The following ARAP2 variants were observed in gnomAD, a reference collection of about 807,000 sequenced individuals.
ARAP2 encodes ArfGAP with RhoGAP domain, ankyrin repeat and PH domain 2.
Under a neutral mutation model 194.5 loss-of-function variants are expected in ARAP2, and 148 were observed. The observed-to-expected ratio is 0.76, with a 90% CI of 0.67 to 0.87. The LOEUF (loss-of-function observed/expected upper bound fraction) is 0.87. Among genes scored for constraint, ARAP2 ranks in the 40% least tolerant of loss-of-function variants. ARAP2 has a pLI of 0.00. For synonymous variants in ARAP2, 695 were observed against 683.5 expected (o/e 1.02, Z -0.26); for missense variants, 2,128 against 1,989.7 (o/e 1.07, Z -1.32).
chr4:36,099,401 C>T (rs1192537190), intron 27 of ARAP2, among the ~76,000 whole-genome samples: 1 of 152,060 alleles, frequency 6.6e-6, no homozygotes, highest in East Asian at 1.9e-4. Context: ...GCCTTATCTA[C>T]AGTGCTGGGT....
intron 10 of ARAP2, chr4:36,006,468 G>T (rs1418845758): frequency 6.6e-6 from 1 of 152,168 alleles, no homozygotes; most frequent in Non-Finnish European, 1.5e-5. Context: ...TGTGGTTAGT[G>T]TGTAGTAGAA....
intron 2 of ARAP2, among the ~76,000 whole-genome samples, chr4:36,055,595 ACT>A (rs1246852108): frequency 2.0e-5 from 3 of 151,598 alleles, no homozygotes; most frequent in African/African-American, 7.3e-5. Flanking sequence ...ATGGAGTCTC[ACT>A]CTGTCGCCCA....
At position 36,050,044 on chromosome 4, in the gene ARAP2, A is replaced by C. The variant is rs113908287; in HGVS notation, n.369+1962T>G. Among the ~76,000 whole-genome samples the C allele has an allele frequency of 6.7e-3, 1,028 of 152,304 alleles. 7 individuals are homozygous for C. Among genetic ancestry groups the C allele is most frequent in the Middle Eastern group, 0.014 (4 of 294 alleles). ...TAGTGTGGACTTTATGAAAGCTTCA[A>C]TAGAAAGAGGTTTTTATAGTTGCAT... On this transcript the variant is annotated intron_variant and non_coding_transcript_variant, in intron 3 of 12. Transcript: ENST00000503225.
chr4:36,014,322 G>GA (rs1560265031), intron 8 of ARAP2, among the ~76,000 whole-genome samples: 16 of 128,374 alleles, frequency 1.2e-4, no homozygotes, highest in African/African-American at 2.1e-4. Context: ...AAGAAAGAAA[G>GA]AGAGAAAGAA....
At chr4:36,134,552 C>T (rs1455064342) in intron 19 of ARAP2, among the ~76,000 whole-genome samples, 2 of 151,708 alleles carry the variant, frequency 1.3e-5, no homozygotes, top group Non-Finnish European at 2.9e-5. Context: ...GTAATGTCTA[C>T]TCCTCACTAT....
intron 27 of ARAP2, among the ~76,000 whole-genome samples, chr4:36,103,928 G>A (rs1256039900): frequency 6.6e-6 from 1 of 151,860 alleles, no homozygotes; most frequent in Non-Finnish European, 1.5e-5. Context: ...TTAAAAGGAA[G>A]TGGTGAAAAC....
intron 4 of ARAP2, 49 bp downstream of exon 4, chr4:36,213,193 GA>G: frequency 7.5e-7 from 1 of 1,339,694 alleles, no homozygotes. Flanking sequence ...CAAATAGGCA[GA>G]AAAGCAAATA....
In ARAP2 at chr4:36,226,497, C is replaced by T. The variant is rs189826413; in HGVS notation, c.905+2085G>A. On this transcript the variant is annotated intron_variant, in intron 2 of 32. Coordinates refer to ENST00000303965, the MANE Select transcript of ARAP2 (RefSeq NM_015230.4). ...TTCTGTACAGACCTTGTTAAAAAAACGTATCTTTTAAGCCCCCCCCCACAT... is the reference window on the plus strand; with the variant it reads ...TTCTGTACAGACCTTGTTAAAAAAATGTATCTTTTAAGCCCCCCCCCACAT... 3.9e-3 allele frequency among the ~76,000 whole-genome samples: 597 copies of T among 152,008 alleles called. 7 individuals carry two copies. The highest frequency in any genetic ancestry group is 0.014 in the African/African-American group (565 of 41,424).
chr4:36,024,302 T>C (rs565647513), intron 5 of ARAP2, among the ~76,000 whole-genome samples: 1 of 152,328 alleles, frequency 6.6e-6, no homozygotes, highest in East Asian at 1.9e-4. Flanking sequence ...AAAGCATATG[T>C]CACTGATACT....
chr4:36,151,698 G>A (rs1731016338), intron 15 of ARAP2, among the ~76,000 whole-genome samples: 2 of 152,098 alleles, frequency 1.3e-5, no homozygotes, highest in South Asian at 4.1e-4. Context: ...AATGCATACT[G>A]AATTACTAAA....
downstream of ARAP2, among the ~76,000 whole-genome samples, chr4:36,064,569 T>C (rs2109285808): frequency 6.6e-6 from 1 of 152,316 alleles, no homozygotes; most frequent in South Asian, 2.1e-4. Context: ...GTGGCCCTGG[T>C]CCTGCAGCTC....
At chr4:36,083,253 T>A in intron 29 of ARAP2, 115 bp downstream of exon 29, 1 of 766,338 alleles carries the variant, frequency 1.3e-6, no homozygotes, top group Middle Eastern at 2.4e-4. Context: ...TTAAAAAAAA[T>A]AGCCTAAAAC....
chr4:36,177,421 C>T (rs1738204281), intron 9 of ARAP2, among the ~76,000 whole-genome samples: 1 of 152,068 alleles, frequency 6.6e-6, no homozygotes, highest in Admixed American at 6.5e-5. Context: ...GTTACCTGTG[C>T]TTACCCTATA....
chr4:36,042,721 C>T (rs1236096270), intron 5 of ARAP2, among the ~76,000 whole-genome samples: 3 of 152,082 alleles, frequency 2.0e-5, no homozygotes, highest in African/African-American at 7.2e-5. Context: ...CAGTAGATAC[C>T]TACTTAACAT....
intron 2 of ARAP2, chr4:36,052,194 A>T (rs1722781192): frequency 6.6e-6 from 1 of 152,270 alleles, no homozygotes; most frequent in Non-Finnish European, 1.5e-5. Flanking sequence ...AAATATACAT[A>T]TCAGTAATAT....
intron 6 of ARAP2, among the ~76,000 whole-genome samples, chr4:36,208,489 G>A (rs936733810): frequency 6.6e-6 from 1 of 152,178 alleles, no homozygotes; most frequent in Admixed American, 6.5e-5. Context: ...GCTATATGGA[G>A]TTTGGAATCC....
At chr4:36,129,729 G>A (rs1175311650) in intron 20 of ARAP2, among the ~76,000 whole-genome samples, 1 of 151,738 alleles carries the variant, frequency 6.6e-6, no homozygotes, top group Non-Finnish European at 1.5e-5. Flanking sequence ...CCCACTGGGT[G>A]AGAACCCATC....
chr4:36,173,048 T>A (rs1480885709), intron 9 of ARAP2, among the ~76,000 whole-genome samples: 1 of 152,184 alleles, frequency 6.6e-6, no homozygotes, highest in African/African-American at 2.4e-5. Flanking sequence ...GATTTGAGAA[T>A]GTTTAATCAA....
At chr4:36,230,967 A>G (rs1751335376) in intron 1 of ARAP2, among the ~76,000 whole-genome samples, 1 of 152,238 alleles carries the variant, frequency 6.6e-6, no homozygotes, top group African/African-American at 2.4e-5. Flanking sequence ...AAAATAAATG[A>G]TGAAAGGCAA....
Sources: gnomAD v4.1 joint callset for allele counts (sites outside exome capture counted in the v4.1 genomes callset) on GRCh38, gnomAD v4.1.1 for gene constraint, MANE v1.5 for transcripts, NCBI Gene and HGNC (gene_info 2026-07-23, HGNC 2026-07-21) for gene names.